Variants in TTLL9 observed in about 807,000 individuals in gnomAD.
TTLL9 encodes tubulin tyrosine ligase like 9.
Under a neutral mutation model 65.6 loss-of-function variants are expected in TTLL9, and 47 were observed. The ratio of observed to expected loss-of-function variants is 0.72; its 90% CI spans 0.57 to 0.91. The LOEUF (loss-of-function observed/expected upper bound fraction) is 0.91. Ranked by LOEUF, TTLL9 falls within the 40% of genes least tolerant of loss-of-function variation. The pLI is 0.00. For missense variants in TTLL9, 537 were observed against 568.8 expected (o/e 0.94, Z 0.57); for synonymous variants, 179 against 204.8 (o/e 0.87, Z 1.07).
chr20:31,902,734 C>CT (rs2063496316), intron 4 of TTLL9, among the ~76,000 whole-genome samples: 1 of 152,058 alleles, frequency 6.6e-6, no homozygotes, highest in African/African-American at 2.4e-5. Context: ...TATGATAACT[C>CT]TATGTTTAAC....
chr20:31,890,004 TTC>T (rs2063268359), intron 3 of TTLL9, among the ~76,000 whole-genome samples: 1 of 138,932 alleles, frequency 7.2e-6, no homozygotes, highest in South Asian at 2.2e-4. Context: ...CTTTCTTTCT[TTC>T]TTTCTTTCTT....
intron 13 of TTLL9, chr20:31,938,272 C>T (rs1178803326): frequency 6.6e-6 from 3 of 454,286 alleles, no homozygotes; most frequent in African/African-American, 4.0e-5. Flanking sequence ...AGGTATAGTT[C>T]TTGTGCCCAC....
intron 2 of TTLL9, chr20:31,879,664 G>A (rs1033081402): frequency 6.1e-6 from 4 of 656,260 alleles, no homozygotes; most frequent in Non-Finnish European, 1.0e-5. Flanking sequence ...GGCTGGAAAA[G>A]AAAGGTTGAG....
At chr20:31,906,797 T>C (rs989192985) in intron 4 of TTLL9, among the ~76,000 whole-genome samples, 1 of 152,026 alleles carries the variant, frequency 6.6e-6, no homozygotes, top group Non-Finnish European at 1.5e-5. Flanking sequence ...TACAGGTGCA[T>C]GCCACCACTC....
chr20:31,877,361 T>C (rs1324605024), intron 2 of TTLL9, among the ~76,000 whole-genome samples: 4 of 152,164 alleles, frequency 2.6e-5, no homozygotes. Flanking sequence ...TCTCAATCTG[T>C]TGACCTCGTG....
intron 3 of TTLL9, among the ~76,000 whole-genome samples, chr20:31,890,150 C>CTTTCTTTCT (rs1300422017): frequency 4.7e-3 from 79 of 16,710 alleles, no homozygotes; most frequent in Non-Finnish European, 6.7e-3. Context: ...TCCTTCCTTC[C>CTTTCTTTCT]TTCCTTCTTT....
intron 6 of TTLL9, 111 bp from the exon 7 acceptor site, chr20:31,919,753 G>A (rs1179308785): frequency 3.6e-6 from 3 of 824,848 alleles, no homozygotes; most frequent in South Asian, 2.3e-5. Flanking sequence ...GGAGAGTTGG[G>A]GGTTCATAAG....
chr20:31,933,822 T>G lies in TTLL9; in HGVS notation c.771T>G (p.Ala257=). The G allele has an allele frequency of 6.2e-7, 1 of 1,614,134 alleles. No homozygotes were observed. ...RRQDVHLTNV[A]VQKTSPDYHP... is the part of the protein sequence containing the mutation. The stretch of plus-strand genomic sequence containing the variant: ...CAGATGTTCACCTCACCAACGTGGC[T>G]GTGCAAAAAACATCTCCCGACTACC... Residue 257 remains alanine (A), a synonymous_variant, in exon 11 of 15, where the codon GCT becomes GCG. Transcript: ENST00000535842.
intron 2 of TTLL9, among the ~76,000 whole-genome samples, chr20:31,881,133 G>A (rs887036304): frequency 3.9e-5 from 6 of 151,914 alleles, no homozygotes; most frequent in Non-Finnish European, 5.9e-5. Context: ...CAAAGTGCTG[G>A]GATTACAGGC....
intron 4 of TTLL9, among the ~76,000 whole-genome samples, chr20:31,905,004 G>T (rs2063531843): frequency 6.6e-6 from 1 of 152,156 alleles, no homozygotes; most frequent in South Asian, 2.1e-4. Flanking sequence ...TGGGCATCTA[G>T]ATGAAGCCCC....
intron 10 of TTLL9, among the ~76,000 whole-genome samples, chr20:31,932,307 A>G (rs1386242989): frequency 1.3e-5 from 2 of 151,970 alleles, no homozygotes; most frequent in Admixed American, 6.6e-5. Flanking sequence ...CCCTGTTTCT[A>G]CTAAAAATAC....
chr20:31,893,647 C>T (rs1326976647), intron 3 of TTLL9, among the ~76,000 whole-genome samples: 1 of 150,820 alleles, frequency 6.6e-6, no homozygotes, highest in African/African-American at 2.4e-5. Flanking sequence ...CCCCTCTATG[C>T]GATGTGTCTT....
At chr20:31,933,673 TCACA>T in intron 10 of TTLL9, 123 bp from the exon 11 acceptor site, 1 of 839,106 alleles carries the variant, frequency 1.2e-6, no homozygotes, top group Admixed American at 2.8e-5. Flanking sequence ...ACTCCAAAGC[TCACA>T]CACACGACCG....
intron 2 of TTLL9, among the ~76,000 whole-genome samples, chr20:31,872,726 A>G (rs1483998213): frequency 6.6e-6 from 1 of 152,118 alleles, no homozygotes; most frequent in Non-Finnish European, 1.5e-5. Flanking sequence ...AAAAAGAAAA[A>G]GAGTGGAGAG....
Position 31,870,983 on chromosome 20 carries a change from C to G in TTLL9, c.-6+34C>G. The G allele has an allele frequency of 5.1e-6, 4 of 780,486 alleles. No homozygotes were observed. The highest frequency in any genetic ancestry group is 9.1e-6 in the Non-Finnish European group (4 of 437,294). 48.3% of individuals were successfully genotyped at this position (780,486 alleles called of 1,614,324 possible). A position where few individuals can be genotyped will look rare whatever the true frequency, so the allele number is the denominator to read the frequency against. ...TTCCTTCCGATACATCCTCTCCACC[C>G]GTGCAGAGACACCCTACCAACCAGC... On this transcript the variant is annotated intron_variant, in intron 1 of 14. Coordinates refer to ENST00000535842, the MANE Select transcript of TTLL9 (RefSeq NM_001008409.5). The surrounding 1 kb of genome is among the most constrained non-coding windows in gnomAD (Gnocchi z 6.6).
chr20:31,915,832 G>A (rs960766644), intron 6 of TTLL9, among the ~76,000 whole-genome samples: 4 of 151,998 alleles, frequency 2.6e-5, no homozygotes, highest in Non-Finnish European at 5.9e-5. Context: ...GGTAAGTATT[G>A]GCTGCTGGTA....
At chr20:31,901,921 G>C (rs1285125203) in intron 4 of TTLL9, among the ~76,000 whole-genome samples, 1 of 152,102 alleles carries the variant, frequency 6.6e-6, no homozygotes, top group Non-Finnish European at 1.5e-5. Flanking sequence ...GCACCACCTG[G>C]CAAGGTATTC....
At chr20:31,905,812 T>G (rs965038303) in intron 4 of TTLL9, among the ~76,000 whole-genome samples, 1 of 152,034 alleles carries the variant, frequency 6.6e-6, no homozygotes. Context: ...GGCAGGCGGA[T>G]CACCTGAGGT....
intron 6 of TTLL9, among the ~76,000 whole-genome samples, chr20:31,914,070 T>A (rs1161413492): frequency 6.6e-6 from 1 of 152,224 alleles, no homozygotes; most frequent in Non-Finnish European, 1.5e-5. Context: ...CAGCGAGCGT[T>A]CTTGGCAACC....
Sources: allele counts gnomAD v4.1 joint callset (sites outside exome capture counted in the v4.1 genomes callset), GRCh38; gene constraint gnomAD v4.1.1; non-coding constraint Gnocchi (gnomAD v3.1); transcripts MANE v1.5; gene names NCBI Gene and HGNC (gene_info 2026-07-23, HGNC 2026-07-21).